The following TENM2 variants were observed in gnomAD, a reference collection of about 807,000 sequenced individuals.
TENM2 encodes the protein teneurin-2.
Under a neutral mutation model 245.2 loss-of-function variants are expected in TENM2, and 52 were observed. The observed-to-expected ratio is 0.21, with a 90% CI of 0.17 to 0.27. The LOEUF (loss-of-function observed/expected upper bound fraction) is 0.27, where lower values mean the gene tolerates loss of function less well. TENM2 is among the 10% of genes least tolerant of loss of function. The pLI is 1.00. For synonymous variants in TENM2, 1,363 were observed against 1,438.9 expected (o/e 0.95, Z 1.19); for missense variants, 3,046 against 3,666.8 (o/e 0.83, Z 4.37).
chr5:168,115,636 TG>T (rs1795028691), intron 9 of TENM2, among the ~76,000 whole-genome samples: 1 of 152,096 alleles, frequency 6.6e-6, no homozygotes, highest in Non-Finnish European at 1.5e-5. Context: ...AAACAGCCCT[TG>T]GAAGCTCATT....
chr5:167,068,973 C>G, the TENM2 span, among the ~76,000 whole-genome samples: 2 of 152,140 alleles, frequency 1.3e-5, no homozygotes, highest in African/African-American at 4.8e-5. Flanking sequence ...GAAATTCATT[C>G]GTTTGAACTC....
intron 2 of TENM2, among the ~76,000 whole-genome samples, chr5:167,849,228 G>C (rs1189653846): frequency 5.3e-5 from 8 of 151,940 alleles, no homozygotes; most frequent in African/African-American, 9.7e-5. Flanking sequence ...ATATCTCCTA[G>C]ACCGCTAACC....
At chr5:167,081,252 T>C in the TENM2 span, among the ~76,000 whole-genome samples, 1 of 152,054 alleles carries the variant, frequency 6.6e-6, no homozygotes, top group African/African-American at 2.4e-5. Flanking sequence ...TTTATGATCA[T>C]AAATACCAAT....
At position 167,547,329 on chromosome 5, in the gene TENM2, C is replaced by G. The variant is rs374688064; in HGVS notation, c.502+171856C>G. On this transcript the variant is annotated intron_variant, in intron 2 of 28. Transcript: ENST00000518659. ...CAGATGATCCACCCGCCTCAGCACC[C>G]CAAAGTGCTGGGATTACAGGTGTGA... 4.1e-4 allele frequency among the ~76,000 whole-genome samples: 63 copies of G among 152,144 alleles called. 1 individual carries two copies. The highest frequency in any genetic ancestry group is 1.7e-3 in the East Asian group (9 of 5,184).
intron 12 of TENM2, among the ~76,000 whole-genome samples, chr5:168,140,535 C>A (rs180904153): frequency 1.3e-5 from 2 of 151,992 alleles, no homozygotes; most frequent in Non-Finnish European, 2.9e-5. Context: ...AGTGTATACA[C>A]GTCTGTGTGC....
the TENM2 span, among the ~76,000 whole-genome samples, chr5:167,187,763 C>T: frequency 6.6e-6 from 1 of 152,064 alleles, no homozygotes; most frequent in Non-Finnish European, 1.5e-5. Context: ...AATCTGTTCT[C>T]CGGGGAGCCT....
chr5:167,337,119 G>A (rs566062644), intron 1 of TENM2, among the ~76,000 whole-genome samples: 66 of 67,204 alleles, frequency 9.8e-4, no homozygotes, highest in Non-Finnish European at 1.4e-3. Flanking sequence ...GGGAGACTCC[G>A]TCTCAAAAAA....
intron 2 of TENM2, among the ~76,000 whole-genome samples, chr5:167,709,455 G>A (rs1362293783): frequency 6.6e-6 from 1 of 152,148 alleles, no homozygotes. Context: ...TCAGTGTAGA[G>A]TACAAATATA....
chr5:167,205,029 TA>T, the TENM2 span, among the ~76,000 whole-genome samples: 2 of 152,206 alleles, frequency 1.3e-5, no homozygotes, highest in African/African-American at 4.8e-5. Context: ...GTGTGATCAT[TA>T]AAGGATAACA....
chr5:167,405,757 C>CACACACAA lies in TENM2; in HGVS notation c.502+30291_502+30292insAACACACA, dbSNP rs1440853203. Among the ~76,000 whole-genome samples, 526 of 126,476 alleles carry CACACACAA rather than the reference C, an allele frequency of 4.2e-3. 2 individuals are homozygous for CACACACAA. The highest frequency in any genetic ancestry group is 0.015 in the African/African-American group (469 of 31,604). 83.0% of individuals were successfully genotyped at this position (126,476 alleles called of 152,430 possible). On this transcript the variant is annotated intron_variant, in intron 2 of 28. Transcript: ENST00000518659. ...TACCTTAGATATAGTGCAATTCAAA[C>CACACACAA]ACACACACACAAACACACACACACA...
the TENM2 span, among the ~76,000 whole-genome samples, chr5:167,005,180 G>A: frequency 0.066 from 10,040 of 152,104 alleles, 449 homozygotes; most frequent in East Asian, 0.3. Context: ...GGCTTTCTTC[G>A]TGGTGTCTTT....
intron 1 of TENM2, among the ~76,000 whole-genome samples, chr5:167,346,108 G>T (rs1421591138): frequency 6.6e-6 from 1 of 152,164 alleles, no homozygotes; most frequent in Admixed American, 6.5e-5. Flanking sequence ...GTTACCTAAA[G>T]AAGTCATTTG....
At chr5:168,169,557 C>T (rs576720004) in intron 13 of TENM2, among the ~76,000 whole-genome samples, 3 of 152,304 alleles carry the variant, frequency 2.0e-5, no homozygotes, top group East Asian at 3.9e-4. Flanking sequence ...CTCCCCATCC[C>T]GTAGCCATCC....
chr5:167,915,874 T>A (rs1213956037), intron 3 of TENM2, among the ~76,000 whole-genome samples: 2 of 152,220 alleles, frequency 1.3e-5, no homozygotes, highest in Non-Finnish European at 2.9e-5. Context: ...ATCTTGTCCA[T>A]GCAAGTGACA....
At chr5:167,224,549 G>C in the TENM2 span, among the ~76,000 whole-genome samples, 1 of 151,952 alleles carries the variant, frequency 6.6e-6, no homozygotes, top group Non-Finnish European at 1.5e-5. Flanking sequence ...TGGTTTATGA[G>C]TCTATGTTAA....
chr5:168,140,637 T>A (rs1232632877), intron 12 of TENM2, among the ~76,000 whole-genome samples: 1 of 152,230 alleles, frequency 6.6e-6, no homozygotes, highest in East Asian at 1.9e-4. Flanking sequence ...GTCATTGGTC[T>A]AATGCCATGC....
At chr5:167,050,882 A>T in the TENM2 span, among the ~76,000 whole-genome samples, 5 of 152,206 alleles carry the variant, frequency 3.3e-5, no homozygotes, top group South Asian at 1.0e-3. Flanking sequence ...GGGATCCTGA[A>T]CCTAATGTAT....
At chr5:168,063,108 C>G (rs932246572) in intron 7 of TENM2, among the ~76,000 whole-genome samples, 1 of 152,196 alleles carries the variant, frequency 6.6e-6, no homozygotes, top group Non-Finnish European at 1.5e-5. Context: ...TGGGTACTTT[C>G]TGTTCAGATG....
chr5:168,100,105 A>C (rs1246974340), intron 9 of TENM2, among the ~76,000 whole-genome samples: 2 of 152,202 alleles, frequency 1.3e-5, no homozygotes, highest in Non-Finnish European at 2.9e-5. Context: ...GAAGTTGCTT[A>C]TCAGGTTAAG....
Sources: allele counts gnomAD v4.1 joint callset (sites outside exome capture counted in the v4.1 genomes callset), GRCh38; gene constraint gnomAD v4.1.1; transcripts MANE v1.5; gene names NCBI Gene and HGNC (gene_info 2026-07-23, HGNC 2026-07-21).